PHEX: variants seen among roughly 807,000 people sequenced by gnomAD.
The protein encoded by PHEX is phosphate regulating endopeptidase X-linked, also known as phosphate-regulating neutral endopeptidase PHEX.
In PHEX, 16 loss-of-function variants were observed where a neutral mutation model predicts 68.0. The observed-to-expected ratio is 0.24, with a 90% CI of 0.16 to 0.36. The LOEUF is 0.36. Ranked by LOEUF, PHEX falls within the 10% of genes least tolerant of loss-of-function variation. The pLI is 1.00. For missense variants in PHEX, 480 were observed against 575.5 expected (o/e 0.83, Z 1.70); for synonymous variants, 208 against 205.1 (o/e 1.01, Z -0.12).
chrX:22,175,959 G>T (rs1042545555), intron 13 of PHEX, among the ~76,000 whole-genome samples: 4 of 111,429 alleles, frequency 3.6e-5, no homozygotes, highest in African/African-American at 6.5e-5. Context: ...GCAAAGGGTT[G>T]AACAGTGGAC....
intron 9 of PHEX, among the ~76,000 whole-genome samples, chrX:22,102,851 A>G (rs778494077): frequency 4.5e-5 from 5 of 112,278 alleles, no homozygotes; most frequent in Non-Finnish European, 9.4e-5. Context: ...TGGAGGCACC[A>G]TTGAAGAAAA....
intron 13 of PHEX, among the ~76,000 whole-genome samples, chrX:22,177,409 G>A (rs773482446): frequency 3.6e-5 from 4 of 111,203 alleles, no homozygotes; most frequent in Non-Finnish European, 5.7e-5. Context: ...AAGCATTGGA[G>A]GTCACTACAA....
intron 5 of PHEX, among the ~76,000 whole-genome samples, chrX:22,089,194 G>A (rs1318051851): frequency 9.0e-6 from 1 of 110,766 alleles, no homozygotes; most frequent in African/African-American, 3.3e-5. Flanking sequence ...GCTCATTTTT[G>A]TATTTTTAGT....
At chrX:22,176,224 T>C (rs963563389) in intron 13 of PHEX, among the ~76,000 whole-genome samples, 1 of 108,664 alleles carries the variant, frequency 9.2e-6, no homozygotes, top group Non-Finnish European at 1.9e-5. Context: ...GCATCTCTAC[T>C]AAAAATATAA....
chrX:22,079,498 G>A (rs1929294866), intron 5 of PHEX, among the ~76,000 whole-genome samples: 1 of 110,928 alleles, frequency 9.0e-6, no homozygotes, highest in Non-Finnish European at 1.9e-5. Flanking sequence ...TTAGCTAGTG[G>A]AAAGGACTAT....
chrX:22,100,655 G>T (rs994635828), intron 9 of PHEX, among the ~76,000 whole-genome samples: 2 of 111,150 alleles, frequency 1.8e-5, no homozygotes, highest in Non-Finnish European at 3.8e-5. Flanking sequence ...TTGGGATTTG[G>T]TTTACTGTAT....
intron 15 of PHEX, among the ~76,000 whole-genome samples, chrX:22,208,775 A>C (rs1338893431): frequency 5.0e-4 from 56 of 112,116 alleles, no homozygotes; most frequent in Non-Finnish European, 1.7e-4. Flanking sequence ...CTACAGACAC[A>C]CATGTACGGA....
chrX:22,151,437 A>G (rs772569199), intron 12 of PHEX, among the ~76,000 whole-genome samples: 25 of 111,798 alleles, frequency 2.2e-4, no homozygotes, highest in Non-Finnish European at 4.3e-4. Flanking sequence ...AAACTGAAAC[A>G]GACTCTCATC....
chrX:22,162,265 A>G (rs895119544), intron 12 of PHEX, among the ~76,000 whole-genome samples: 8 of 112,230 alleles, frequency 7.1e-5, no homozygotes. Context: ...ATGCTCCAAG[A>G]AGCTTGTACA....
intron 9 of PHEX, among the ~76,000 whole-genome samples, chrX:22,105,663 T>C (rs1930650939): frequency 8.9e-6 from 1 of 111,998 alleles, no homozygotes; most frequent in Admixed American, 9.5e-5. Flanking sequence ...TAGTCCTGGA[T>C]TTGACACATT....
chrX:22,217,117 C>T (rs1241594271), intron 16 of PHEX, among the ~76,000 whole-genome samples: 1 of 111,728 alleles, frequency 9.0e-6, no homozygotes, highest in Non-Finnish European at 1.9e-5. Context: ...ATCCAGTCAA[C>T]AGCATTGACT....
In PHEX at chrX:22,242,030, A is replaced by C. The variant is rs778170519; in HGVS notation, c.2071-3303A>C. Among the ~76,000 whole-genome samples the C allele has an allele frequency of 7.4e-4, 83 of 112,086 alleles. 1 individual carries two copies. Among genetic ancestry groups the C allele is most frequent in the Non-Finnish European group, 1.4e-3 (73 of 53,282 alleles). ...GAACATCAAGGCAAAAATCCTCAGT[A>C]AGATATTGGCAAACTGAATCCAGTG... On this transcript the variant is annotated intron_variant, in intron 20 of 21. Coordinates refer to ENST00000379374, the MANE Select transcript of PHEX (RefSeq NM_000444.6).
intron 3 of PHEX, among the ~76,000 whole-genome samples, chrX:22,053,334 G>A (rs1410966529): frequency 9.0e-6 from 1 of 111,617 alleles, no homozygotes; most frequent in Non-Finnish European, 1.9e-5. Context: ...ACACAGATAC[G>A]GCTGTCCAAT....
chrX:22,182,592 T>TTG (rs9331474), intron 14 of PHEX, among the ~76,000 whole-genome samples: 2,240 of 102,931 alleles, frequency 0.022, 18 homozygotes, highest in Non-Finnish European at 0.024. Flanking sequence ...TGAAGATGCT[T>TTG]TGTGTGTGTG....
rs769744722 is a variant in PHEX at position 22,089,385 on chromosome X, A to C, written c.664-1044A>C. Among the ~76,000 whole-genome samples the C allele has an allele frequency of 2.8e-5, 3 of 106,305 alleles. No homozygotes were observed. The South Asian group carries it at 1.3e-3, about 45-fold the overall frequency. The allele number at this position is 106,305 out of a possible 115,157, so 92.3% of individuals were successfully genotyped here. On this transcript the variant is annotated intron_variant, in intron 5 of 21. Transcript: ENST00000379374. ...TGTCTTCTTTCTTTTGTTTACCTTTAAGGTGCTGAAAGTTTTTTTTGTTTT... is the reference window on the plus strand; with the variant it reads ...TGTCTTCTTTCTTTTGTTTACCTTTCAGGTGCTGAAAGTTTTTTTTGTTTT...
chrX:22,235,740 ATAGT>A (rs1181859044), intron 20 of PHEX, among the ~76,000 whole-genome samples: 10 of 110,447 alleles, frequency 9.1e-5, no homozygotes, highest in East Asian at 5.6e-4. Flanking sequence ...CTTATCATAT[ATAGT>A]TAGTTATCAT....
intron 14 of PHEX, among the ~76,000 whole-genome samples, chrX:22,188,546 T>A (rs1934103151): frequency 8.9e-6 from 1 of 112,749 alleles, no homozygotes; most frequent in Non-Finnish European, 1.9e-5. Context: ...TAGAGATAAA[T>A]GTTTGCAGGT....
At chrX:22,180,911 T>C (rs1414142936) in intron 14 of PHEX, among the ~76,000 whole-genome samples, 1 of 112,015 alleles carries the variant, frequency 8.9e-6, no homozygotes, top group Non-Finnish European at 1.9e-5. Flanking sequence ...GTTTCATCCA[T>C]GTAGTTGTAA....
intron 3 of PHEX, among the ~76,000 whole-genome samples, chrX:22,059,621 G>A (rs1928271867): frequency 8.9e-6 from 1 of 111,790 alleles, no homozygotes; most frequent in Admixed American, 9.6e-5. Flanking sequence ...AGAGATGTAG[G>A]CAGAAAAAAC....
Sources: allele counts gnomAD v4.1 joint callset (sites outside exome capture counted in the v4.1 genomes callset), GRCh38; gene constraint gnomAD v4.1.1; transcripts MANE v1.5; gene names NCBI Gene and HGNC (gene_info 2026-07-23, HGNC 2026-07-21).